Variants in PRKCE observed in about 807,000 individuals in gnomAD.
PRKCE encodes the protein protein kinase C epsilon type.
Under a neutral mutation model 85.4 loss-of-function variants are expected in PRKCE, and 16 were observed. The ratio of observed to expected loss-of-function variants is 0.19; its 90% confidence interval spans 0.13 to 0.28. The LOEUF (loss-of-function observed/expected upper bound fraction) is 0.28, where lower values mean the gene tolerates loss of function less well. PRKCE is among the 10% of genes least tolerant of loss of function. The probability of loss-of-function intolerance (pLI) is 1.00; values close to 1 mark genes in which losing one functional copy is unlikely to be tolerated. For synonymous variants in PRKCE, 388 were observed against 371.5 expected (o/e 1.04, Z -0.51); for missense variants, 573 against 975.2 (o/e 0.59, Z 5.49).
At chr2:45,762,948 CTTTTCTTCT>C (rs1240319034) in intron 1 of PRKCE, among the ~76,000 whole-genome samples, 104 of 126,798 alleles carry the variant, frequency 8.2e-4, no homozygotes, top group Non-Finnish European at 1.2e-3. Context: ...CTTTTCTTTT[CTTTTCTTCT>C]TTTTTTTTTT....
intron 14 of PRKCE, among the ~76,000 whole-genome samples, chr2:46,172,692 AGT>A (rs1474533815): frequency 2.0e-5 from 3 of 152,150 alleles, no homozygotes; most frequent in African/African-American, 7.2e-5. Flanking sequence ...CATCCGGGGG[AGT>A]GTTCTCAGCC....
At chr2:45,753,661 A>T (rs1013440445) in intron 1 of PRKCE, among the ~76,000 whole-genome samples, 4 of 151,464 alleles carry the variant, frequency 2.6e-5, no homozygotes, top group Admixed American at 6.6e-5. Flanking sequence ...CTGGAGCTTT[A>T]AAAAAAAACC....
rs755159602 is a variant in PRKCE, at chr2:45,907,665, G to T, written c.412+64602G>T. On this transcript the variant is annotated intron_variant, in intron 2 of 14. Coordinates refer to ENST00000306156, the MANE Select transcript of PRKCE (RefSeq NM_005400.3). The surrounding 1 kb of genome is among the most constrained non-coding windows in gnomAD (Gnocchi z 4.5). ...TGTTCTGTCCAGGGAGAAGGAGCAT[G>T]AGCCCACATCTGCCGTGGCCACCTC... Among the ~76,000 whole-genome samples, 4 of 152,170 alleles carry T rather than the reference G, an allele frequency of 2.6e-5. No individual in the cohort carries two copies. Among genetic ancestry groups the T allele is most frequent in the Non-Finnish European group, 5.9e-5 (4 of 68,038 alleles).
intron 1 of PRKCE, among the ~76,000 whole-genome samples, chr2:45,805,813 G>A (rs1374008849): frequency 1.3e-5 from 2 of 152,134 alleles, no homozygotes; most frequent in Non-Finnish European, 1.5e-5. Flanking sequence ...TGGCCAGGCT[G>A]GTCTTGAACC....
At chr2:45,986,993 G>A (rs188949741) in intron 6 of PRKCE, among the ~76,000 whole-genome samples, 9 of 151,632 alleles carry the variant, frequency 5.9e-5, no homozygotes, top group African/African-American at 2.2e-4. Context: ...CGGGAAGCAG[G>A]GCCTGCTTTG....
At chr2:46,148,322 TTAA>T (rs1272179588) in intron 12 of PRKCE, among the ~76,000 whole-genome samples, 25 of 152,212 alleles carry the variant, frequency 1.6e-4, no homozygotes, top group African/African-American at 6.0e-4. Context: ...CTGCCGACAG[TTAA>T]TTAGGAAGCA....
intron 2 of PRKCE, among the ~76,000 whole-genome samples, chr2:45,850,688 C>G (rs1692175755): frequency 6.6e-6 from 1 of 152,172 alleles, no homozygotes. Flanking sequence ...GTGCATTCAC[C>G]ATTTTTAATC....
At chr2:45,869,509 C>T (rs1693902115) in intron 2 of PRKCE, among the ~76,000 whole-genome samples, 1 of 152,122 alleles carries the variant, frequency 6.6e-6, no homozygotes, top group Non-Finnish European at 1.5e-5. Flanking sequence ...GAGCCTTTCA[C>T]ACATGCTACC....
chr2:46,005,672 CA>C (rs1217782353), intron 8 of PRKCE, among the ~76,000 whole-genome samples: 1 of 152,150 alleles, frequency 6.6e-6, no homozygotes, highest in Non-Finnish European at 1.5e-5. Flanking sequence ...CACCATGACC[CA>C]GACCTTCTTA....
intron 1 of PRKCE, among the ~76,000 whole-genome samples, chr2:45,706,723 G>A (rs936521393): frequency 1.3e-5 from 2 of 152,188 alleles, no homozygotes; most frequent in Admixed American, 1.3e-4. Flanking sequence ...TTCAGGAGCA[G>A]GAAAATGGGA....
At chr2:45,795,935 G>C (rs1336700024) in intron 1 of PRKCE, among the ~76,000 whole-genome samples, 1 of 152,190 alleles carries the variant, frequency 6.6e-6, no homozygotes, top group Non-Finnish European at 1.5e-5. Context: ...CAAATTTCAA[G>C]CATTCAGAAA....
chr2:45,951,726 C>T (rs1424982458), intron 2 of PRKCE, among the ~76,000 whole-genome samples: 3 of 152,238 alleles, frequency 2.0e-5, no homozygotes, highest in Non-Finnish European at 4.4e-5. Context: ...TTCTTCCACA[C>T]CTCATCCTCT....
At chr2:45,689,743 A>G (rs1677580512) in intron 1 of PRKCE, among the ~76,000 whole-genome samples, 1 of 151,890 alleles carries the variant, frequency 6.6e-6, no homozygotes, top group Admixed American at 6.6e-5. Context: ...TTAAAATACA[A>G]AGATTAGCCA....
chr2:45,811,508 C>G (rs535077454), intron 1 of PRKCE, among the ~76,000 whole-genome samples: 9 of 152,168 alleles, frequency 5.9e-5, no homozygotes, highest in South Asian at 4.1e-4. Context: ...AGGGGCCAGA[C>G]AAAAGAGGGA....
At chr2:45,853,571 A>G (rs1409712928) in intron 2 of PRKCE, among the ~76,000 whole-genome samples, 2 of 152,190 alleles carry the variant, frequency 1.3e-5, no homozygotes, top group African/African-American at 2.4e-5. Flanking sequence ...GGCAGGTCGC[A>G]CCTGCTTTTT....
chr2:45,693,045 G>T (rs1677864471), intron 1 of PRKCE, among the ~76,000 whole-genome samples: 1 of 152,112 alleles, frequency 6.6e-6, no homozygotes, highest in Admixed American at 6.5e-5. Context: ...GGCCAAGGTG[G>T]CTCAGGAGGC....
chr2:46,121,868 C>T (rs1490917281), intron 11 of PRKCE, among the ~76,000 whole-genome samples: 2 of 152,184 alleles, frequency 1.3e-5, no homozygotes, highest in African/African-American at 4.8e-5. Flanking sequence ...TCTTGCCAGT[C>T]AGCTCACTCA....
chr2:45,729,327 C>G (rs1681360336), intron 1 of PRKCE, among the ~76,000 whole-genome samples: 1 of 152,148 alleles, frequency 6.6e-6, no homozygotes, highest in African/African-American at 2.4e-5. Flanking sequence ...GCCATGAAAG[C>G]CATCCTCAGC....
At chr2:46,035,203 C>T (rs765833181) in intron 10 of PRKCE, among the ~76,000 whole-genome samples, 39 of 152,214 alleles carry the variant, frequency 2.6e-4, no homozygotes, top group Non-Finnish European at 1.2e-4. Context: ...ACACCACAGG[C>T]CTGCCCATAG....
Sources: allele counts gnomAD v4.1 joint callset (sites outside exome capture counted in the v4.1 genomes callset), GRCh38; gene constraint gnomAD v4.1.1; non-coding constraint Gnocchi (gnomAD v3.1); transcripts MANE v1.5; gene names NCBI Gene and HGNC (gene_info 2026-07-23, HGNC 2026-07-21).